The following C17orf75 variants were observed in gnomAD, a reference collection of about 807,000 sequenced individuals.
C17orf75 encodes the protein protein Njmu-R1.
A neutral mutation model predicts 49.6 loss-of-function variants in C17orf75; 32 were observed. The observed-to-expected ratio is 0.65, with a 90% CI of 0.49 to 0.87. The LOEUF (loss-of-function observed/expected upper bound fraction) is 0.87, where lower values mean the gene tolerates loss of function less well. Ranked by LOEUF, C17orf75 falls within the 40% of genes least tolerant of loss-of-function variation. The pLI is 0.00. For missense variants in C17orf75, 428 were observed against 473.9 expected, an observed-to-expected ratio of 0.90 and a Z score of 0.90; for synonymous variants, 158 against 159.5, an observed-to-expected ratio of 0.99 and a Z score of 0.07.
At chr17:32,349,001 G>A (rs1429062270) in intron 1 of C17orf75, among the ~76,000 whole-genome samples, 1 of 151,500 alleles carries the variant, frequency 6.6e-6, no homozygotes, top group Non-Finnish European at 1.5e-5. Context: ...GAGTAGCTGA[G>A]GTTACAGGCG....
intron 2 of C17orf75, chr17:32,340,842 G>A: frequency 4.7e-6 from 1 of 213,448 alleles, no homozygotes. Flanking sequence ...TACTGGGGAG[G>A]CTGAGGTGAG....
At chr17:32,341,480 G>A (rs574369735) in intron 1 of C17orf75, among the ~76,000 whole-genome samples, 196 bp from the exon 2 acceptor site, 2 of 152,274 alleles carry the variant, frequency 1.3e-5, no homozygotes, top group South Asian at 4.1e-4. Flanking sequence ...GCCACTTAAC[G>A]GGTGGAGGAA....
intron 2 of C17orf75, 102 bp from the exon 3 acceptor site, chr17:32,340,040 TG>T (rs2041364149): frequency 7.2e-7 from 1 of 1,382,198 alleles, no homozygotes; most frequent in Admixed American, 2.4e-5. Context: ...TTTTAAGGAC[TG>T]GGGAAAGCTG....
intron 5 of C17orf75, among the ~76,000 whole-genome samples, chr17:32,335,895 G>A (rs564108256): frequency 9.2e-5 from 14 of 152,242 alleles, no homozygotes; most frequent in Middle Eastern, 3.4e-3. Flanking sequence ...GAATTCATTC[G>A]TATTCAGAAT....
In C17orf75 at chr17:32,342,104, A is replaced by C. The variant is rs780174838; in HGVS notation, c.36T>G (p.Asp12Glu). Reference protein sequence around the residue: ...LPSLQESMDGDEKELESSEEG... With the variant: ...LPSLQESMDGEEKELESSEEG... ...CTTCGCTGCTCTCTAGTTCCTTTTC[A>C]TCTCCATCCATCGACTCCTGCAAAG... is the stretch of plus-strand genomic sequence containing the variant. The change falls in exon 1 of 10, where the codon GAT (aspartate) becomes GAG (glutamate). Residue 12 changes from aspartate (D) to glutamate (E), a missense_variant. Transcript: ENST00000577809. The C allele has an allele frequency of 1.9e-6, 3 of 1,601,042 alleles. No homozygotes were observed. In the East Asian group the frequency reaches 6.9e-5, roughly 37 times the overall value.
At chr17:32,346,382 T>C (rs2041425423), upstream of C17orf75, among the ~76,000 whole-genome samples, 1 of 152,172 alleles carries the variant, frequency 6.6e-6, no homozygotes, top group Non-Finnish European at 1.5e-5. Flanking sequence ...ATTGCACCAC[T>C]GCACACTACC....
chr17:32,342,410 T>A, upstream of C17orf75: 1 of 353,176 alleles, frequency 2.8e-6, no homozygotes, highest in Non-Finnish European at 4.8e-6. Flanking sequence ...TTCTATGTGA[T>A]AAAGGTGGCA....
At chr17:32,345,694 G>A (rs956015907), upstream of C17orf75, among the ~76,000 whole-genome samples, 8 of 152,122 alleles carry the variant, frequency 5.3e-5, no homozygotes, top group Non-Finnish European at 8.8e-5. Context: ...GGCGGGCGTG[G>A]TGGCGCATGC....
chr17:32,342,335 G>T (rs956439073), upstream of C17orf75: 29 of 831,496 alleles, frequency 3.5e-5, no homozygotes, highest in Non-Finnish European at 4.3e-5. Context: ...TACTGAGTTC[G>T]CCTTTACTGA....
At chr17:32,333,386 T>C (rs2041294771) in intron 9 of C17orf75, 31 bp downstream of exon 9, 1 of 1,509,120 alleles carries the variant, frequency 6.6e-7, no homozygotes, top group Non-Finnish European at 9.1e-7. Flanking sequence ...AAAAATTTCA[T>C]GTGGCACTTG....
Position 32,330,279 on chromosome 17 carries a change from ATG to A in C17orf75, c.*1482_*1483del, listed in dbSNP as rs2041263306. 5 of 152,210 alleles carry A rather than the reference ATG, an allele frequency of 3.3e-5. No homozygotes were observed. The allele number at this position is 152,210 out of a possible 1,614,324, so 9.4% of individuals were successfully genotyped here. A position where few individuals can be genotyped will look rare whatever the true frequency, so the allele number is the denominator to read the frequency against. On this transcript the variant is annotated 3_prime_UTR_variant, in exon 10 of 10. Transcript: ENST00000577809. ...TGTATTTCTCATTAAAAGAAAAGAAATGTGAGTCATGTCCCGAGGCTTATGTA... is the reference window on the plus strand; with the variant it reads ...TGTATTTCTCATTAAAAGAAAAGAAATGAGTCATGTCCCGAGGCTTATGTA...
At chr17:32,347,295 C>G (rs530568072) in intron 1 of C17orf75, among the ~76,000 whole-genome samples, 1 of 151,320 alleles carries the variant, frequency 6.6e-6, no homozygotes, top group Non-Finnish European at 1.5e-5. Context: ...TTTTTTCCCC[C>G]GAGATGGAGT....
In C17orf75 at chr17:32,339,933, G is replaced by A. The variant is rs759116992; in HGVS notation, c.227C>T (p.Ser76Phe). 22 of 1,613,890 alleles carry A rather than the reference G, an allele frequency of 1.4e-5. No individual in the cohort carries two copies. Among genetic ancestry groups the A allele is most frequent in the Non-Finnish European group, 1.9e-5 (22 of 1,179,860 alleles). Reference protein sequence around the residue: ...ETPSGDDFSLSLADTNLPSEV... With the variant: ...ETPSGDDFSLFLADTNLPSEV... ...GGATGGTAGATTAGTATCTGCCAAG[G>A]AGAGGCTTGACAAATGAAAGACACA... Residue 76 changes from serine (S) to phenylalanine (F), a missense_variant, in exon 3 of 10, where the codon TCC becomes TTC. Coordinates refer to ENST00000577809, the MANE Select transcript of C17orf75 (RefSeq NM_022344.4).
intron 3 of C17orf75, among the ~76,000 whole-genome samples, chr17:32,338,815 G>T (rs1035893526): frequency 6.6e-6 from 1 of 152,164 alleles, no homozygotes; most frequent in Non-Finnish European, 1.5e-5. Flanking sequence ...TGGAGGCCGG[G>T]CACAGTGGCT....
rs376978823 is a variant in C17orf75 at position 32,342,007 on chromosome 17, C to T, written c.133G>A (p.Gly45Arg). 1.2e-5 allele frequency: 17 copies of T among 1,468,514 alleles called. No individual in the cohort carries two copies. The highest frequency in any genetic ancestry group is 4.4e-5 in the African/African-American group (3 of 68,578). The allele number at this position is 1,468,514 out of a possible 1,614,324, so 91.0% of individuals were successfully genotyped here. A position where few individuals can be genotyped will look rare whatever the true frequency, so the allele number is the denominator to read the frequency against. The change falls in exon 1 of 10, where the codon GGA becomes AGA. Residue 45 changes from glycine to arginine, a missense_variant. Gly to Arg is a moderately radical substitution (Grantham distance 125). Coordinates refer to ENST00000577809, the MANE Select transcript of C17orf75 (RefSeq NM_022344.4). Reference sequence around the variant, plus strand: ...CGAGCTGGGCGCCAGCACCTGCTTCCGCGATAGCTGTAAAGACAGTAGTGG... The same window carrying T: ...CGAGCTGGGCGCCAGCACCTGCTTCTGCGATAGCTGTAAAGACAGTAGTGG... ...SSHYCLYSYR[G>R]SRLAQQRGDS...
chr17:32,347,194 C>T (rs1220546912), upstream of C17orf75, among the ~76,000 whole-genome samples: 1 of 152,202 alleles, frequency 6.6e-6, no homozygotes, highest in East Asian at 1.9e-4. Context: ...CTCTTGATCT[C>T]AGGTGATCAA....
intron 1 of C17orf75, among the ~76,000 whole-genome samples, chr17:32,348,222 C>T (rs1473613673): frequency 6.6e-6 from 1 of 151,896 alleles, no homozygotes; most frequent in African/African-American, 2.4e-5. Context: ...CGGGTTTCAC[C>T]ATGTTGGCCA....
At position 32,341,982 on chromosome 17, in the gene C17orf75, C is replaced by T. The variant is rs1463818965; in HGVS notation, c.140+18G>A. The T allele has an allele frequency of 7.0e-7, 1 of 1,419,932 alleles. No individual in the cohort carries two copies. Among genetic ancestry groups the T allele is most frequent in the Non-Finnish European group, 9.2e-7 (1 of 1,081,694 alleles). 88.0% of individuals were successfully genotyped at this position (1,419,932 alleles called of 1,614,324 possible). Reference sequence around the variant, plus strand: ...CGCAGGGGCGGGCGGGCTGGCAGGCCGAGCTGGGCGCCAGCACCTGCTTCC... The same window carrying T: ...CGCAGGGGCGGGCGGGCTGGCAGGCTGAGCTGGGCGCCAGCACCTGCTTCC... On this transcript the variant is annotated intron_variant, in intron 1 of 9. Coordinates refer to ENST00000577809, the MANE Select transcript of C17orf75 (RefSeq NM_022344.4).
rs548458604 is a variant in C17orf75 at position 32,340,963 on chromosome 17, A to G, written c.221+241T>C. ...CTGTCTCAATTTAAAAGGAAAAAGA[A>G]AAAAAAAGGATTTCTTTTTGGCTAA... On this transcript the variant is annotated intron_variant, in intron 2 of 9. Coordinates refer to ENST00000577809, the MANE Select transcript of C17orf75 (RefSeq NM_022344.4). 9.2e-5 allele frequency: 48 copies of G among 522,596 alleles called. 3 individuals carry two copies. In the South Asian group the frequency reaches 1.1e-3, roughly 12 times the overall value. The allele number at this position is 522,596 out of a possible 1,614,324, so 32.4% of individuals were successfully genotyped here. A position where few individuals can be genotyped will look rare whatever the true frequency, so the allele number is the denominator to read the frequency against.
Sources: allele counts gnomAD v4.1 joint callset (sites outside exome capture counted in the v4.1 genomes callset), GRCh38; gene constraint gnomAD v4.1.1; transcripts MANE v1.5; gene names NCBI Gene and HGNC (gene_info 2026-07-23, HGNC 2026-07-21).